Variants in LSAMP observed in about 807,000 individuals in gnomAD.
LSAMP encodes the protein limbic system associated membrane protein.
Under a neutral mutation model 38.6 loss-of-function variants are expected in LSAMP, and 7 were observed. That is an observed-to-expected ratio of 0.18 (90% CI 0.10 to 0.34). LSAMP has a LOEUF of 0.34. LSAMP is among the 10% of genes least tolerant of loss of function. The pLI is 1.00. For missense variants in LSAMP, 313 were observed against 420.0 expected, an observed-to-expected ratio of 0.75 and a Z score of 2.23; for synonymous variants, 154 against 166.8, an observed-to-expected ratio of 0.92 and a Z score of 0.59.
At chr3:116,372,051 C>T (rs1203265229) in intron 1 of LSAMP, among the ~76,000 whole-genome samples, 1 of 151,978 alleles carries the variant, frequency 6.6e-6, no homozygotes, top group East Asian at 1.9e-4. Context: ...GGAAAGACAT[C>T]TCATGTTTAC....
In LSAMP at chr3:116,401,287, A is replaced by AT. The variant is rs538719581; in HGVS notation, c.155+43589dup. Among the ~76,000 whole-genome samples, 416 of 149,876 alleles carry AT rather than the reference A, an allele frequency of 2.8e-3. 3 individuals are homozygous for AT. The highest frequency in any genetic ancestry group is 4.0e-3 in the Non-Finnish European group (271 of 67,242). On this transcript the variant is annotated intron_variant, in intron 1 of 6. Transcript: ENST00000490035. Reference sequence around the variant, plus strand: ...TCATACTACAATCTCCCTTGGTGACATTTTTTTTTTCTGAGATAGGGTCTC... The same window carrying AT: ...TCATACTACAATCTCCCTTGGTGACATTTTTTTTTTTCTGAGATAGGGTCTC...
Position 115,862,538 on chromosome 3 carries a change from A to G in LSAMP, c.515-9921T>C, listed in dbSNP as rs555142143. On this transcript the variant is annotated intron_variant, in intron 3 of 6. Transcript: ENST00000490035. ...AGTGCTGAATGAGTTATTTGATCCA[A>G]TTTGGAGAACTGTTCTTGCTTAAAG... 3.3e-5 allele frequency among the ~76,000 whole-genome samples: 5 copies of G among 152,332 alleles called. No individual in the cohort carries two copies. The East Asian group carries it at 7.7e-4, about 24-fold the overall frequency.
In LSAMP at chr3:116,087,929, G is replaced by A. The variant is rs559318599; in HGVS notation, c.156-1373C>T. Among the ~76,000 whole-genome samples, 11 of 145,564 alleles carry A rather than the reference G, an allele frequency of 7.6e-5. 1 individual carries two copies. In the South Asian group the frequency reaches 1.9e-3, roughly 26 times the overall value. ...TTTTTTTTTGAGACAGATCTTGTTCGGTCACCAAGACTGGGGAGCAGTGGC... is the reference window on the plus strand; with the variant it reads ...TTTTTTTTTGAGACAGATCTTGTTCAGTCACCAAGACTGGGGAGCAGTGGC... On this transcript the variant is annotated intron_variant, in intron 1 of 6. Transcript: ENST00000490035.
intron 1 of LSAMP, among the ~76,000 whole-genome samples, chr3:116,166,776 G>GTTTTTTTTTTTTTTTTTTT (rs1231142461): frequency 7.7e-6 from 1 of 129,586 alleles, no homozygotes; most frequent in Non-Finnish European, 1.7e-5. Context: ...AAAATTTTTA[G>GTTTTTTTTTTTTTTTTTTT]TTTTTTTTTT....
intron 1 of LSAMP, among the ~76,000 whole-genome samples, chr3:116,347,351 T>TCAGAAAACAAATATTGGCTCTCAC (rs2048077711): frequency 6.6e-6 from 1 of 152,142 alleles, no homozygotes. Context: ...AATAACTGCT[T>TCAGAAAACAAATATTGGCTCTCAC]CAGAAAACAA....
intron 3 of LSAMP, among the ~76,000 whole-genome samples, chr3:115,981,782 C>T (rs1055791814): frequency 3.3e-5 from 5 of 152,188 alleles, no homozygotes; most frequent in Admixed American, 1.3e-4. Context: ...ATCCGCACAT[C>T]GGAATTCTAA....
intron 3 of LSAMP, among the ~76,000 whole-genome samples, chr3:115,865,701 T>G (rs59549684): frequency 0.055 from 8,320 of 152,230 alleles, 472 homozygotes; most frequent in African/African-American, 0.15. Flanking sequence ...GGCTCAGGAA[T>G]CCATTAGTTT....
chr3:116,147,604 C>T (rs184569078), intron 1 of LSAMP, among the ~76,000 whole-genome samples: 257 of 152,012 alleles, frequency 1.7e-3, no homozygotes, highest in Admixed American at 5.1e-3. Flanking sequence ...TGACAACAGG[C>T]CCTACATTTT....
chr3:116,249,476 C>T (rs1456076750), intron 1 of LSAMP, among the ~76,000 whole-genome samples: 3 of 151,852 alleles, frequency 2.0e-5, no homozygotes, highest in Non-Finnish European at 2.9e-5. Flanking sequence ...ACCTCTGTCT[C>T]CTAACTTTGA....
intron 1 of LSAMP, among the ~76,000 whole-genome samples, chr3:116,156,408 T>C (rs1261965381): frequency 6.6e-6 from 1 of 152,072 alleles, no homozygotes; most frequent in Non-Finnish European, 1.5e-5. Context: ...TTGATACATA[T>C]AACCAACAAT....
intron 3 of LSAMP, among the ~76,000 whole-genome samples, chr3:115,909,450 C>T (rs1164159868): frequency 6.6e-6 from 1 of 152,106 alleles, no homozygotes; most frequent in African/African-American, 2.4e-5. Context: ...TGTTGCTGTT[C>T]CCTTGGTGTC....
chr3:116,007,754 T>C (rs1343762417), intron 3 of LSAMP, among the ~76,000 whole-genome samples: 1 of 152,190 alleles, frequency 6.6e-6, no homozygotes, highest in Non-Finnish European at 1.5e-5. Flanking sequence ...ATATTTGTGC[T>C]TGGTAGAAAC....
intron 1 of LSAMP, among the ~76,000 whole-genome samples, chr3:116,341,576 T>G (rs769572168): frequency 2.0e-5 from 3 of 151,914 alleles, no homozygotes. Context: ...TTGAGCAAAG[T>G]AATTCAATGG....
chr3:115,913,553 G>A (rs1559878516), intron 3 of LSAMP, among the ~76,000 whole-genome samples: 1 of 152,196 alleles, frequency 6.6e-6, no homozygotes, highest in Non-Finnish European at 1.5e-5. Flanking sequence ...GAGCTAAAGG[G>A]TGTACAGGTA....
intron 1 of LSAMP, among the ~76,000 whole-genome samples, 179 bp from the exon 2 acceptor site, chr3:116,086,735 A>G (rs1294696598): frequency 6.6e-6 from 1 of 152,194 alleles, no homozygotes; most frequent in Non-Finnish European, 1.5e-5. Flanking sequence ...TCTAATTACC[A>G]TCCAGTGGAT....
chr3:116,206,602 T>C lies in LSAMP; in HGVS notation c.156-120046A>G, dbSNP rs961271226. 2.1e-5 allele frequency among the ~76,000 whole-genome samples: 3 copies of C among 145,576 alleles called. No individual in the cohort carries two copies. In the Admixed American group the frequency reaches 2.1e-4, roughly 10 times the overall value. On this transcript the variant is annotated intron_variant, in intron 1 of 6. Transcript: ENST00000490035. ...GTGTCCCAGAGATTCTGGTATGTTG[T>C]GTCTTTGTTCTCGTTGGTTTCAAAG... is the stretch of plus-strand genomic sequence containing the variant.
chr3:116,293,057 C>A (rs1245250157), intron 1 of LSAMP, among the ~76,000 whole-genome samples: 1 of 152,110 alleles, frequency 6.6e-6, no homozygotes, highest in Non-Finnish European at 1.5e-5. Flanking sequence ...ATTTTAACAC[C>A]TTCACCCTAT....
chr3:115,861,238 CATG>C (rs542142093), intron 3 of LSAMP, among the ~76,000 whole-genome samples: 10 of 147,344 alleles, frequency 6.8e-5, no homozygotes, highest in African/African-American at 2.3e-4. Flanking sequence ...ATATAGGAAA[CATG>C]ATGTGTAAGC....
intron 1 of LSAMP, among the ~76,000 whole-genome samples, chr3:116,401,306 G>T (rs951467189): frequency 4.0e-5 from 6 of 151,818 alleles, no homozygotes; most frequent in Admixed American, 2.0e-4. Context: ...TTCTGAGATA[G>T]GGTCTCACTC....
Sources: allele counts gnomAD v4.1 joint callset (sites outside exome capture counted in the v4.1 genomes callset), GRCh38; gene constraint gnomAD v4.1.1; transcripts MANE v1.5; gene names NCBI Gene and HGNC (gene_info 2026-07-23, HGNC 2026-07-21).